Variants in OSBPL11 observed in about 807,000 individuals in gnomAD.
OSBPL11 encodes oxysterol binding protein like 11.
OSBPL11 carries 33 observed loss-of-function variants against 84.4 expected under a neutral mutation model. That is an observed-to-expected ratio of 0.39 (90% confidence interval 0.30 to 0.52). The LOEUF is 0.52. OSBPL11 is among the 20% of genes least tolerant of loss of function. OSBPL11 has a pLI of 0.72. For synonymous variants in OSBPL11, 276 were observed against 310.2 expected (o/e 0.89, Z 1.16); for missense variants, 736 against 901.1 (o/e 0.82, Z 2.35).
At chr3:125,552,915 C>T (rs908265378) in intron 8 of OSBPL11, among the ~76,000 whole-genome samples, 5 of 152,064 alleles carry the variant, frequency 3.3e-5, no homozygotes, top group South Asian at 2.1e-4. Context: ...CACAGGAGTT[C>T]GAAACCAGCT....
At chr3:125,537,059 C>G (rs1162341745) in intron 11 of OSBPL11, among the ~76,000 whole-genome samples, 1 of 149,854 alleles carries the variant, frequency 6.7e-6, no homozygotes, top group African/African-American at 2.5e-5. Flanking sequence ...ACTCAGGAGG[C>G]TGAGGCAGGA....
intron 10 of OSBPL11, among the ~76,000 whole-genome samples, chr3:125,545,489 C>T (rs559076177): frequency 3.9e-5 from 6 of 152,270 alleles, no homozygotes; most frequent in Middle Eastern, 6.8e-3. Context: ...AAAAGCCTTA[C>T]AAATGCTTTC....
intron 11 of OSBPL11, among the ~76,000 whole-genome samples, chr3:125,536,132 CAA>C (rs35385096): frequency 9.8e-5 from 10 of 102,458 alleles, no homozygotes; most frequent in Non-Finnish European, 4.3e-5. Flanking sequence ...GAGTCCATCT[CAA>C]AAAAAAAAAA....
chr3:125,582,972 G>T lies in OSBPL11; in HGVS notation c.171C>A (p.His57Gln), dbSNP rs753870719. The T allele has an allele frequency of 6.3e-6, 10 of 1,583,842 alleles. No individual in the cohort carries two copies. Among genetic ancestry groups the T allele is most frequent in the Non-Finnish European group, 7.7e-6 (9 of 1,171,556 alleles). ...GSAKGWQYSD[H>Q]MENVYGYLMK... ...TTAAATAGCCATACACATTTTCCAT[G>T]TGATCACTATTTCAAAATGAAAAAG... Residue 57 changes from histidine to glutamine, a missense_variant, in exon 2 of 13, where the codon CAC becomes CAA. Transcript: ENST00000296220.
intron 11 of OSBPL11, among the ~76,000 whole-genome samples, chr3:125,535,348 C>T (rs969659040): frequency 1.3e-5 from 2 of 151,850 alleles, no homozygotes; most frequent in African/African-American, 2.4e-5. Context: ...TCAAAACCTT[C>T]CCCTAAAGAA....
intron 7 of OSBPL11, among the ~76,000 whole-genome samples, chr3:125,562,487 A>G (rs1580051642): frequency 6.6e-6 from 1 of 152,224 alleles, no homozygotes; most frequent in African/African-American, 2.4e-5. Context: ...TATCAAGCCA[A>G]AACTTTTGCC....
intron 1 of OSBPL11, among the ~76,000 whole-genome samples, chr3:125,594,274 A>T (rs1936646558): frequency 6.6e-6 from 1 of 152,244 alleles, no homozygotes. Flanking sequence ...GAGAAAGCTG[A>T]GTTAAACAGT....
At chr3:125,530,801 C>A (rs938260467) in intron 12 of OSBPL11, among the ~76,000 whole-genome samples, 8 of 152,070 alleles carry the variant, frequency 5.3e-5, no homozygotes, top group Non-Finnish European at 8.8e-5. Flanking sequence ...TAGTTTGTGA[C>A]CCATGAACAT....
intron 8 of OSBPL11, among the ~76,000 whole-genome samples, chr3:125,559,979 C>A (rs563251730): frequency 2.6e-5 from 4 of 151,774 alleles, no homozygotes; most frequent in African/African-American, 9.7e-5. Flanking sequence ...ATAAAAAGAC[C>A]GGCCAGGTGC....
intron 8 of OSBPL11, among the ~76,000 whole-genome samples, chr3:125,559,805 G>A (rs1400492144): frequency 1.3e-5 from 2 of 151,940 alleles, no homozygotes; most frequent in East Asian, 1.9e-4. Flanking sequence ...GTTTCACCTC[G>A]GCCTCCCGAG....
At chr3:125,586,378 T>G (rs998511290) in intron 1 of OSBPL11, among the ~76,000 whole-genome samples, 2 of 152,240 alleles carry the variant, frequency 1.3e-5, no homozygotes, top group African/African-American at 4.8e-5. Context: ...TGGAAGCTGA[T>G]AGTCTATAAA....
intron 1 of OSBPL11, among the ~76,000 whole-genome samples, chr3:125,593,193 C>T (rs2107615804): frequency 6.6e-6 from 1 of 152,244 alleles, no homozygotes; most frequent in East Asian, 1.9e-4. Context: ...GACGAAGCGC[C>T]ACGGACAGGG....
At chr3:125,553,066 T>C (rs1213192281) in intron 8 of OSBPL11, among the ~76,000 whole-genome samples, 1 of 152,174 alleles carries the variant, frequency 6.6e-6, no homozygotes, top group African/African-American at 2.4e-5. Context: ...GAGCCATGAC[T>C]GCGCCACTGC....
At chr3:125,576,681 A>AT (rs56251260) in intron 4 of OSBPL11, among the ~76,000 whole-genome samples, 10,259 of 146,530 alleles carry the variant, frequency 0.07, 442 homozygotes, top group Non-Finnish European at 0.1. Flanking sequence ...AACACCATGA[A>AT]TTTTTTTTTT....
At chr3:125,589,153 A>T (rs1448137290) in intron 1 of OSBPL11, among the ~76,000 whole-genome samples, 1 of 152,140 alleles carries the variant, frequency 6.6e-6, no homozygotes, top group Non-Finnish European at 1.5e-5. Context: ...GTTCGAAATC[A>T]GCCTGGCCAA....
chr3:125,535,519 C>A (rs1403083564), intron 11 of OSBPL11, among the ~76,000 whole-genome samples: 1 of 145,338 alleles, frequency 6.9e-6, no homozygotes, highest in Non-Finnish European at 1.5e-5. Context: ...CGGCGGCTCA[C>A]TGCAACCTCC....
intron 11 of OSBPL11, among the ~76,000 whole-genome samples, chr3:125,537,215 A>G (rs1935654088): frequency 6.6e-6 from 1 of 151,978 alleles, no homozygotes; most frequent in Admixed American, 6.6e-5. Flanking sequence ...AAAAAAACTA[A>G]TAATTTGTAT....
intron 8 of OSBPL11, among the ~76,000 whole-genome samples, chr3:125,557,222 G>A (rs954295819): frequency 1.3e-5 from 2 of 152,238 alleles, no homozygotes; most frequent in East Asian, 3.9e-4. Flanking sequence ...TTCACAACAT[G>A]AAGGCTAGGA....
intron 9 of OSBPL11, among the ~76,000 whole-genome samples, chr3:125,550,260 A>T (rs571772234): frequency 5.3e-5 from 8 of 152,138 alleles, no homozygotes; most frequent in African/African-American, 1.9e-4. Context: ...CTGTAATCCC[A>T]GCTACTGTGG....
Sources: gnomAD v4.1 joint callset for allele counts (sites outside exome capture counted in the v4.1 genomes callset) on GRCh38, gnomAD v4.1.1 for gene constraint, MANE v1.5 for transcripts, NCBI Gene and HGNC (gene_info 2026-07-23, HGNC 2026-07-21) for gene names.